Variants in IQGAP2 observed in about 807,000 individuals in gnomAD.
The protein encoded by IQGAP2 is IQ motif containing GTPase activating protein 2.
Under a neutral mutation model 201.3 loss-of-function variants are expected in IQGAP2, and 173 were observed. That is an observed-to-expected ratio of 0.86 (90% CI 0.76 to 0.98). The LOEUF (loss-of-function observed/expected upper bound fraction) is 0.98. Among genes scored for constraint, IQGAP2 ranks in the 50% least tolerant of loss-of-function variants. IQGAP2 has a pLI of 0.00. For synonymous variants in IQGAP2, 675 were observed against 673.9 expected (o/e 1.00, Z -0.03); for missense variants, 1,687 against 1,864.8 (o/e 0.90, Z 1.76).
At chr5:76,474,159 A>G (rs1363073010) in intron 2 of IQGAP2, among the ~76,000 whole-genome samples, 1 of 152,094 alleles carries the variant, frequency 6.6e-6, no homozygotes, top group Non-Finnish European at 1.5e-5. Flanking sequence ...TCACTTATCC[A>G]TGGTGGAGTT....
intron 15 of IQGAP2, among the ~76,000 whole-genome samples, chr5:76,635,936 A>G (rs1229956835): frequency 6.6e-6 from 1 of 152,214 alleles, no homozygotes; most frequent in Non-Finnish European, 1.5e-5. Flanking sequence ...TGACTGTACA[A>G]TGTATTTTCT....
intron 1 of IQGAP2, among the ~76,000 whole-genome samples, chr5:76,419,663 CTTTTCTTTTCTTTTT>C (rs1751615523): frequency 8.9e-6 from 1 of 112,596 alleles, no homozygotes; most frequent in Admixed American, 1.0e-4. Context: ...TTTTCTTTTT[CTTTTCTTTTCTTTTT>C]TTTTTTTTGT....
At chr5:76,474,217 T>C (rs931015731) in intron 2 of IQGAP2, among the ~76,000 whole-genome samples, 1 of 152,246 alleles carries the variant, frequency 6.6e-6, no homozygotes, top group African/African-American at 2.4e-5. Context: ...TGTTTGACAG[T>C]GCTCTTTAGT....
At chr5:76,412,350 G>A (rs1482152877) in intron 1 of IQGAP2, among the ~76,000 whole-genome samples, 2 of 151,990 alleles carry the variant, frequency 1.3e-5, no homozygotes, top group Non-Finnish European at 2.9e-5. Context: ...TTTTTATTAA[G>A]AGATAGGATC....
intron 5 of IQGAP2, among the ~76,000 whole-genome samples, chr5:76,586,201 C>A (rs1746233969): frequency 6.6e-6 from 1 of 152,076 alleles, no homozygotes; most frequent in Admixed American, 6.6e-5. Flanking sequence ...AGGAATGTAT[C>A]CTCTCTTGCT....
At chr5:76,636,725 T>C (rs1751157421) in intron 15 of IQGAP2, among the ~76,000 whole-genome samples, 1 of 152,230 alleles carries the variant, frequency 6.6e-6, no homozygotes, top group Non-Finnish European at 1.5e-5. Context: ...TACCTGGGAC[T>C]TATAATTATT....
intron 17 of IQGAP2, among the ~76,000 whole-genome samples, chr5:76,645,074 C>T (rs151089490): frequency 0.017 from 2,519 of 152,186 alleles, 73 homozygotes; most frequent in African/African-American, 0.057. Flanking sequence ...TGTTCAACTC[C>T]TACTTATGAG....
chr5:76,645,937 A>G (rs2059221), intron 17 of IQGAP2, among the ~76,000 whole-genome samples: 93,955 of 151,892 alleles, frequency 0.62, 29,225 homozygotes, highest in South Asian at 0.78. Flanking sequence ...AATGTTTGCG[A>G]ATCTCAGATA....
intron 1 of IQGAP2, among the ~76,000 whole-genome samples, chr5:76,409,866 G>C (rs1274685615): frequency 6.6e-6 from 1 of 152,150 alleles, no homozygotes; most frequent in East Asian, 1.9e-4. Flanking sequence ...CTGATAAAAT[G>C]GCAGAAGCTT....
chr5:76,511,685 TG>T (rs1394925455), intron 2 of IQGAP2, among the ~76,000 whole-genome samples: 2 of 108,862 alleles, frequency 1.8e-5, no homozygotes, highest in African/African-American at 3.8e-5. Context: ...TGTTTTGTTT[TG>T]TTTTTTTTTT....
chr5:76,590,386 T>C, intron 7 of IQGAP2, 22 bp from the exon 8 acceptor site: 1 of 1,559,942 alleles, frequency 6.4e-7, no homozygotes, highest in South Asian at 1.2e-5. Flanking sequence ...AACCTTTTTC[T>C]CTCTCTCTCT....
chr5:76,565,751 C>A (rs548358575), intron 3 of IQGAP2, among the ~76,000 whole-genome samples: 1 of 152,182 alleles, frequency 6.6e-6, no homozygotes, highest in Non-Finnish European at 1.5e-5. Context: ...GATTCCATTC[C>A]TTTTCTTACC....
intron 2 of IQGAP2, among the ~76,000 whole-genome samples, chr5:76,487,068 T>C (rs1328856670): frequency 6.6e-6 from 1 of 151,834 alleles, no homozygotes; most frequent in Admixed American, 6.6e-5. Context: ...ACACTTTGAT[T>C]GCTGTGTAAA....
At chr5:76,620,162 T>C (rs1014010767) in intron 13 of IQGAP2, among the ~76,000 whole-genome samples, 1 of 152,208 alleles carries the variant, frequency 6.6e-6, no homozygotes, top group Non-Finnish European at 1.5e-5. Context: ...GAAACGAATA[T>C]AGCCGTTATT....
At chr5:76,672,761 C>T (rs1270119242) in intron 24 of IQGAP2, among the ~76,000 whole-genome samples, 1 of 152,120 alleles carries the variant, frequency 6.6e-6, no homozygotes, top group Non-Finnish European at 1.5e-5. Context: ...GCGAGGCCCA[C>T]AGACATACAT....
At chr5:76,693,470 AAT>A in intron 31 of IQGAP2, 28 bp downstream of exon 31, 1 of 1,341,920 alleles carries the variant, frequency 7.5e-7, no homozygotes, top group Non-Finnish European at 1.1e-6. Context: ...GTAAAATAAT[AAT>A]AGACAGGTGT....
chr5:76,630,879 C>T (rs1186570013), intron 14 of IQGAP2, among the ~76,000 whole-genome samples: 1 of 152,148 alleles, frequency 6.6e-6, no homozygotes, highest in Non-Finnish European at 1.5e-5. Flanking sequence ...ATGTGCCCCT[C>T]CAGATTTGCA....
At chr5:76,474,879 A>T (rs927243999) in intron 2 of IQGAP2, among the ~76,000 whole-genome samples, 1 of 152,036 alleles carries the variant, frequency 6.6e-6, no homozygotes, top group Non-Finnish European at 1.5e-5. Context: ...CACCTGGCTG[A>T]TTTTGTATTT....
chr5:76,595,850 A>G (rs1329475704), intron 9 of IQGAP2, among the ~76,000 whole-genome samples: 1 of 152,214 alleles, frequency 6.6e-6, no homozygotes, highest in Non-Finnish European at 1.5e-5. Context: ...ATAGCTGTAC[A>G]AACCCATATA....
Sources: allele counts gnomAD v4.1 joint callset (sites outside exome capture counted in the v4.1 genomes callset), GRCh38; gene constraint gnomAD v4.1.1; transcripts MANE v1.5; gene names NCBI Gene and HGNC (gene_info 2026-07-23, HGNC 2026-07-21).